ZNF33A: variants seen among roughly 807,000 people sequenced by gnomAD.
The protein encoded by ZNF33A is brain my041 protein.
Under a neutral mutation model 15.9 loss-of-function variants are expected in ZNF33A, and 9 were observed. The ratio of observed to expected loss-of-function variants is 0.57; its 90% CI spans 0.34 to 0.99. The LOEUF (loss-of-function observed/expected upper bound fraction) is 0.99, where lower values mean the gene tolerates loss of function less well. ZNF33A is among the 50% of genes least tolerant of loss of function. The pLI, the probability that ZNF33A is intolerant of heterozygous loss-of-function variation, is 0.02. For synonymous variants in ZNF33A, 294 were observed against 324.2 expected (o/e 0.91, Z 1.00); for missense variants, 843 against 941.6 (o/e 0.90, Z 1.37).
downstream of ZNF33A, among the ~76,000 whole-genome samples, chr10:38,063,578 G>A (rs2066680994): frequency 6.6e-6 from 1 of 152,110 alleles, no homozygotes; most frequent in South Asian, 2.1e-4. Flanking sequence ...TTTAAAGGGA[G>A]GATTACATGT....
chr10:38,042,805 A>G (rs1303749543), intron 4 of ZNF33A, among the ~76,000 whole-genome samples: 2 of 151,930 alleles, frequency 1.3e-5, no homozygotes, highest in Non-Finnish European at 2.9e-5. Flanking sequence ...CTCCTGCTTC[A>G]GCCTCCCAAA....
At position 38,054,672 on chromosome 10, in the gene ZNF33A, A is replaced by G; in HGVS notation, c.548A>G (p.Asp183Gly). Residue 183 changes from aspartate to glycine, a missense_variant, in exon 5 of 5, where the codon GAT becomes GGT. Physicochemically the swap from Asp to Gly is moderately conservative, Grantham distance 94. Coordinates refer to ENST00000432900, the MANE Select transcript of ZNF33A (RefSeq NM_006954.2). ...AAATTGTTACTCAATATTAAGCATG[A>G]TGAAACTCATACTCAAGAGAAAAAT... ...CGKLLLNIKH[D>G]ETHTQEKNEV... The G allele has an allele frequency of 6.2e-7, 1 of 1,613,846 alleles. No homozygotes were observed. Among genetic ancestry groups the G allele is most frequent in the Non-Finnish European group, 8.5e-7 (1 of 1,179,916 alleles).
intron 4 of ZNF33A, among the ~76,000 whole-genome samples, chr10:38,023,781 G>T (rs1338646222): frequency 1.3e-5 from 2 of 152,146 alleles, no homozygotes; most frequent in Non-Finnish European, 2.9e-5. Context: ...AAGTGAAATA[G>T]AAGTCATACA....
At chr10:38,053,549 C>G (rs1393999128) in intron 4 of ZNF33A, among the ~76,000 whole-genome samples, 1 of 152,120 alleles carries the variant, frequency 6.6e-6, no homozygotes, top group Non-Finnish European at 1.5e-5. Context: ...TTAACATACA[C>G]ATTTTTGGGG....
At chr10:38,013,448 A>G (rs2064293683) in intron 2 of ZNF33A, among the ~76,000 whole-genome samples, 1 of 150,914 alleles carries the variant, frequency 6.6e-6, no homozygotes, top group Non-Finnish European at 1.5e-5. Context: ...ATTTTTTTTG[A>G]TACAGAGTCT....
At chr10:38,064,185 C>T (rs553083987), downstream of ZNF33A, 2 of 1,443,584 alleles carry the variant, frequency 1.4e-6, no homozygotes, top group Non-Finnish European at 1.9e-6. Flanking sequence ...GATCCATGGC[C>T]TTCCCTTCTT....
At chr10:38,020,369 CT>C (rs1352328573) in intron 4 of ZNF33A, among the ~76,000 whole-genome samples, 2 of 152,108 alleles carry the variant, frequency 1.3e-5, no homozygotes, top group Non-Finnish European at 2.9e-5. Flanking sequence ...CAGTTATACT[CT>C]TTTAGTCACT....
At chr10:38,064,280 CA>C (rs2066689070), downstream of ZNF33A, 1 of 635,186 alleles carries the variant, frequency 1.6e-6, no homozygotes, top group South Asian at 2.2e-5. Context: ...ATTCTTGCAA[CA>C]AATCTGGAAA....
intron 4 of ZNF33A, among the ~76,000 whole-genome samples, chr10:38,028,828 G>A (rs1564845796): frequency 1.3e-5 from 2 of 151,872 alleles, no homozygotes; most frequent in Admixed American, 1.3e-4. Context: ...TTCCTTCTGT[G>A]TATATTTTTT....
At position 38,055,434 on chromosome 10, in the gene ZNF33A, G is replaced by A. The variant is rs1399613287; in HGVS notation, c.1310G>A (p.Gly437Glu). 6.2e-7 allele frequency: 1 copy of A among 1,613,910 alleles called. No individual in the cohort carries two copies. Among genetic ancestry groups the A allele is most frequent in the Non-Finnish European group, 8.5e-7 (1 of 1,180,014 alleles). ...ACTAAACATCAGAGAACACACACAG[G>A]GCTGAAACCCTATGAATGTTATGAA... ...DLTKHQRTHTGLKPYECYECG... is the reference protein window; with the variant it reads ...DLTKHQRTHTELKPYECYECG... The change falls in exon 5 of 5, where the codon GGG (glycine) becomes GAG (glutamate). Residue 437 changes from glycine to glutamate, a missense_variant. Physicochemically the swap from Gly to Glu is moderately conservative, Grantham distance 98. Coordinates refer to ENST00000432900, the MANE Select transcript of ZNF33A (RefSeq NM_006954.2).
intron 4 of ZNF33A, among the ~76,000 whole-genome samples, chr10:38,023,774 T>TG (rs1162839092): frequency 1.3e-5 from 2 of 152,128 alleles, no homozygotes; most frequent in Non-Finnish European, 2.9e-5. Context: ...GGCAAGAAAG[T>TG]GAAATAGAAG....
In ZNF33A at chr10:38,055,152, A is replaced by G. The variant is rs1442733198; in HGVS notation, c.1028A>G (p.His343Arg). Reference sequence around the variant, plus strand: ...GGGAAAGCTTTCTGGGAGAAGTCACATCTCACTCGACATCAGAGGGTGCAC... The same window carrying G: ...GGGAAAGCTTTCTGGGAGAAGTCACGTCTCACTCGACATCAGAGGGTGCAC... The part of the protein sequence containing the change: ...ECGKAFWEKS[H>R]LTRHQRVHTG... Residue 343 changes from histidine to arginine, a missense_variant, in exon 5 of 5, where the codon CAT becomes CGT. His to Arg is a conservative substitution (Grantham distance 29). Coordinates refer to ENST00000432900, the MANE Select transcript of ZNF33A (RefSeq NM_006954.2). 2 of 1,614,124 alleles carry G rather than the reference A, an allele frequency of 1.2e-6. No homozygotes were observed. The highest frequency in any genetic ancestry group is 1.7e-6 in the Non-Finnish European group (2 of 1,179,980).
At chr10:38,010,648 C>T (rs1564825515), upstream of ZNF33A, 3 of 1,505,716 alleles carry the variant, frequency 2.0e-6, no homozygotes, top group South Asian at 1.1e-5. Context: ...GGGCTCTGCG[C>T]ATGCCTCGTC....
chr10:38,034,345 G>T (rs1220999021), intron 4 of ZNF33A, among the ~76,000 whole-genome samples: 2 of 152,136 alleles, frequency 1.3e-5, no homozygotes, highest in African/African-American at 4.8e-5. Context: ...GGCTATGGTG[G>T]TTTCCCAGAC....
At chr10:38,050,642 C>CCATGA (rs2066160988) in intron 4 of ZNF33A, among the ~76,000 whole-genome samples, 1 of 152,160 alleles carries the variant, frequency 6.6e-6, no homozygotes, top group African/African-American at 2.4e-5. Flanking sequence ...GTAGCCAGGG[C>CCATGA]CATGACCTTT....
At chr10:38,043,491 G>A (rs1175603119) in intron 4 of ZNF33A, among the ~76,000 whole-genome samples, 2 of 138,450 alleles carry the variant, frequency 1.4e-5, no homozygotes, top group East Asian at 4.1e-4. Flanking sequence ...AAAACTTAAA[G>A]TATAATAATA....
At chr10:38,051,871 A>C (rs1461323077) in intron 4 of ZNF33A, among the ~76,000 whole-genome samples, 2 of 152,160 alleles carry the variant, frequency 1.3e-5, no homozygotes, top group African/African-American at 4.8e-5. Context: ...ACAGAAAAAA[A>C]GTCAAATCCA....
intron 4 of ZNF33A, among the ~76,000 whole-genome samples, chr10:38,030,987 G>A (rs1057416967): frequency 6.6e-6 from 1 of 152,156 alleles, no homozygotes; most frequent in African/African-American, 2.4e-5. Context: ...CAGAGAGGGT[G>A]GGAGATGGCT....
intron 4 of ZNF33A, among the ~76,000 whole-genome samples, chr10:38,030,051 G>T (rs1001649759): frequency 2.0e-5 from 3 of 152,174 alleles, no homozygotes; most frequent in African/African-American, 7.2e-5. Context: ...ACGTTATACT[G>T]AAAGATGTTT....
Sources: gnomAD v4.1 joint callset for allele counts (sites outside exome capture counted in the v4.1 genomes callset) on GRCh38, gnomAD v4.1.1 for gene constraint, MANE v1.5 for transcripts, NCBI Gene and HGNC (gene_info 2026-07-23, HGNC 2026-07-21) for gene names.